ARSJ: variants seen among roughly 807,000 people sequenced by gnomAD.
The protein encoded by ARSJ is arylsulfatase family member J, also known as arylsulfatase J.
A neutral mutation model predicts 35.9 loss-of-function variants in ARSJ; 26 were observed. The ratio of observed to expected loss-of-function variants is 0.72; its 90% confidence interval spans 0.53 to 1.00. The LOEUF is 1.00. ARSJ is among the 50% of genes least tolerant of loss of function. The pLI, the probability that ARSJ is intolerant of heterozygous loss-of-function variation, is 0.00. For synonymous variants in ARSJ, 294 were observed against 267.6 expected, an observed-to-expected ratio of 1.10 and a Z score of -0.96; for missense variants, 667 against 723.6, an observed-to-expected ratio of 0.92 and a Z score of 0.90.
chr4:113,977,032 C>T (rs1041222106), intron 1 of ARSJ, among the ~76,000 whole-genome samples: 5 of 152,274 alleles, frequency 3.3e-5, no homozygotes, highest in Non-Finnish European at 7.4e-5. Context: ...CCACAGTTGG[C>T]TATCTGTGTA....
In ARSJ at chr4:113,902,766, T is replaced by C; in HGVS notation, c.1308A>G (p.Ala436=). The C allele has an allele frequency of 6.2e-7, 1 of 1,614,196 alleles. No homozygotes were observed. Among genetic ancestry groups the C allele is most frequent in the Non-Finnish European group, 8.5e-7 (1 of 1,180,030 alleles). The change falls in exon 2 of 2, where the codon GCA becomes GCG. Residue 436 remains alanine (A), a synonymous_variant. Transcript: ENST00000315366. ...TTGCAGTGTTCCAGATCCCATAGCC[T>C]GCTGCCCAGGAGCCATTTTTTGCCT... ...YTKAKNGSWA[A]GYGIWNTAIQ... is the part of the protein sequence containing the mutation.
intron 1 of ARSJ, among the ~76,000 whole-genome samples, chr4:113,934,270 T>C (rs374496979): frequency 2.0e-5 from 3 of 151,778 alleles, no homozygotes; most frequent in African/African-American, 4.8e-5. Context: ...ACTCAATATA[T>C]TGAAGATACA....
At chr4:113,961,697 G>T (rs1436790802) in intron 1 of ARSJ, among the ~76,000 whole-genome samples, 1 of 152,050 alleles carries the variant, frequency 6.6e-6, no homozygotes, top group African/African-American at 2.4e-5. Context: ...CCTATTTTTA[G>T]CTATTTTAAA....
chr4:113,915,273 T>TGA (rs1014705255), intron 1 of ARSJ, among the ~76,000 whole-genome samples: 3 of 152,186 alleles, frequency 2.0e-5, no homozygotes, highest in Admixed American at 1.3e-4. Flanking sequence ...ATACAGATAT[T>TGA]GAGCTATTTT....
At chr4:113,957,027 T>C (rs1457277660) in intron 1 of ARSJ, among the ~76,000 whole-genome samples, 1 of 152,076 alleles carries the variant, frequency 6.6e-6, no homozygotes, top group Non-Finnish European at 1.5e-5. Flanking sequence ...AGCAGCAAGA[T>C]GGACCTATAG....
intron 1 of ARSJ, chr4:113,970,394 T>G (rs1334806862): frequency 6.6e-6 from 1 of 152,226 alleles, no homozygotes; most frequent in African/African-American, 2.4e-5. Flanking sequence ...ATAATTTCTC[T>G]AAAATTTTCA....
intron 1 of ARSJ, among the ~76,000 whole-genome samples, chr4:113,937,462 C>G (rs1193260104): frequency 6.6e-6 from 1 of 152,050 alleles, no homozygotes; most frequent in African/African-American, 2.4e-5. Flanking sequence ...TGGAAGCATT[C>G]TCCTTGAAAA....
rs1339734842 is a variant in ARSJ at position 113,903,211 on chromosome 4, A to C, written c.863T>G (p.Ile288Arg). ...CATGGCAGCATATCTCCTCCTGTTT[A>C]TGTTGATAATGGATCGGTAGTGTTC... ...YFEHYRSIIN[I>R]NRRRYAAMLS... The change falls in exon 2 of 2, where the codon ATA becomes AGA. Residue 288 changes from isoleucine (I) to arginine (R), a missense_variant. By Grantham distance (97) the Ile-to-Arg change is moderately conservative. Coordinates refer to ENST00000315366, the MANE Select transcript of ARSJ (RefSeq NM_024590.4). 6.2e-7 allele frequency: 1 copy of C among 1,614,178 alleles called. No individual in the cohort carries two copies. Among genetic ancestry groups the C allele is most frequent in the Non-Finnish European group, 8.5e-7 (1 of 1,180,040 alleles).
At chr4:113,952,131 G>A (rs1287663100) in intron 1 of ARSJ, among the ~76,000 whole-genome samples, 1 of 151,968 alleles carries the variant, frequency 6.6e-6, no homozygotes, top group Non-Finnish European at 1.5e-5. Context: ...ATTCACAGGT[G>A]CATTCATAGT....
intron 1 of ARSJ, among the ~76,000 whole-genome samples, chr4:113,930,584 G>A (rs941974740): frequency 1.3e-5 from 2 of 152,042 alleles, no homozygotes; most frequent in Admixed American, 6.6e-5. Context: ...AATTATTATA[G>A]CACCCAGTTT....
At chr4:113,947,907 G>A (rs1488578358) in intron 1 of ARSJ, among the ~76,000 whole-genome samples, 2 of 151,906 alleles carry the variant, frequency 1.3e-5, no homozygotes, top group Non-Finnish European at 2.9e-5. Context: ...AAAATACATT[G>A]GCCAGGCATG....
chr4:113,924,426 C>T (rs1440974127), intron 1 of ARSJ, among the ~76,000 whole-genome samples: 13 of 152,022 alleles, frequency 8.6e-5, no homozygotes, highest in Admixed American at 7.9e-4. Flanking sequence ...CCTTAGGCAA[C>T]ACCCTCACAG....
rs1727769969 is a variant in ARSJ at position 113,978,986 on chromosome 4, C to T, written c.-152G>A. The T allele has an allele frequency of 1.3e-6, 1 of 761,450 alleles. No homozygotes were observed. Among genetic ancestry groups the T allele is most frequent in the Non-Finnish European group, 2.0e-6 (1 of 488,628 alleles). The allele number at this position is 761,450 out of a possible 1,614,324, so 47.2% of individuals were successfully genotyped here. ...TGTCACCATGTCCGACAACTTTAAT[C>T]TTCCAGAAGTGATGGCTTAATGGAT... On this transcript the variant is annotated 5_prime_UTR_variant, in exon 1 of 2. Transcript: ENST00000315366.
At chr4:113,924,066 A>AATATAT (rs1403326700) in intron 1 of ARSJ, among the ~76,000 whole-genome samples, 18 of 107,484 alleles carry the variant, frequency 1.7e-4, no homozygotes, top group African/African-American at 8.8e-4. Flanking sequence ...AATATATATA[A>AATATAT]ATATATATAA....
At chr4:113,904,482 C>CA (rs201447688) in intron 1 of ARSJ, among the ~76,000 whole-genome samples, 5,360 of 152,150 alleles carry the variant, frequency 0.035, 308 homozygotes, top group African/African-American at 0.11. Flanking sequence ...GATTGTAAAA[C>CA]AATAGTTCAT....
intron 1 of ARSJ, among the ~76,000 whole-genome samples, chr4:113,928,617 C>T (rs570850749): frequency 6.6e-6 from 1 of 152,298 alleles, no homozygotes; most frequent in African/African-American, 2.4e-5. Context: ...ATGGGAGCTA[C>T]ACCCACCTTG....
At chr4:113,968,607 G>C (rs7653992) in intron 1 of ARSJ, among the ~76,000 whole-genome samples, 148,816 of 152,306 alleles carry the variant, frequency 0.98, 72,795 homozygotes, top group East Asian at 1. Flanking sequence ...GAGGATGCGG[G>C]CCTAGTGGGA....
intron 1 of ARSJ, among the ~76,000 whole-genome samples, chr4:113,910,196 C>T (rs1327197085): frequency 6.6e-6 from 1 of 152,044 alleles, no homozygotes; most frequent in Non-Finnish European, 1.5e-5. Context: ...AAGAAAAATG[C>T]TAAGTAGACC....
intron 1 of ARSJ, among the ~76,000 whole-genome samples, chr4:113,914,412 A>G (rs2149254341): frequency 6.6e-6 from 1 of 152,322 alleles, no homozygotes; most frequent in East Asian, 1.9e-4. Flanking sequence ...TTGACTTTCA[A>G]GAAAGAAAAA....
Sources: allele counts gnomAD v4.1 joint callset (sites outside exome capture counted in the v4.1 genomes callset), GRCh38; gene constraint gnomAD v4.1.1; transcripts MANE v1.5; gene names NCBI Gene and HGNC (gene_info 2026-07-23, HGNC 2026-07-21).